SDK1: variants seen among roughly 807,000 people sequenced by gnomAD.
SDK1 encodes protein sidekick-1.
Under a neutral mutation model 245.5 loss-of-function variants are expected in SDK1, and 157 were observed. The observed-to-expected ratio is 0.64, with a 90% confidence interval of 0.56 to 0.73. The LOEUF is 0.73. Among genes scored for constraint, SDK1 ranks in the 30% least tolerant of loss-of-function variants. SDK1 has a pLI of 0.00. For missense variants in SDK1, 3,583 were observed against 3,002.3 expected (o/e 1.19, Z -4.52); for synonymous variants, 1,647 against 1,278.5 (o/e 1.29, Z -6.15).
chr7:3,878,873 A>G (rs1158533643), intron 5 of SDK1, among the ~76,000 whole-genome samples: 3 of 152,252 alleles, frequency 2.0e-5, no homozygotes, highest in Non-Finnish European at 4.4e-5. Flanking sequence ...CATACACAAA[A>G]GTATACAAAT....
chr7:4,145,458 C>G (rs185345237), intron 28 of SDK1, among the ~76,000 whole-genome samples: 4 of 152,094 alleles, frequency 2.6e-5, no homozygotes, highest in Admixed American at 6.6e-5. Flanking sequence ...GCCTCGTGCC[C>G]GCATCCTAAG....
At chr7:3,617,880 G>A (rs997165930) in intron 1 of SDK1, among the ~76,000 whole-genome samples, 5 of 152,248 alleles carry the variant, frequency 3.3e-5, no homozygotes, top group Admixed American at 1.3e-4. Context: ...CATTCAGACC[G>A]TAACTCTAGG....
In SDK1 at chr7:4,113,397, G is replaced by A. The variant is rs199880337; in HGVS notation, c.3543G>A (p.Thr1181=). Residue 1181 remains threonine, a synonymous_variant, in exon 24 of 45, where the codon ACG becomes ACA. Transcript: ENST00000404826. The part of the protein sequence containing the change: ...APPDVAPTSV[T]VRTASETSLR... ...CCGACGTGGCTCCAACCAGCGTCAC[G>A]GTCCGTACTGCCAGTGAGACCAGCC... is the stretch of plus-strand genomic sequence containing the variant. The A allele has an allele frequency of 1.1e-4, 170 of 1,613,890 alleles. 1 individual carries two copies. The highest frequency in any genetic ancestry group is 1.3e-4 in the Non-Finnish European group (157 of 1,180,034).
At chr7:3,915,525 C>G (rs576363796) in intron 5 of SDK1, among the ~76,000 whole-genome samples, 27 of 152,256 alleles carry the variant, frequency 1.8e-4, no homozygotes, top group African/African-American at 6.5e-4. Context: ...CTGTGTTTCC[C>G]ACCTCCATGT....
chr7:3,470,145 C>T (rs999388649), intron 1 of SDK1, among the ~76,000 whole-genome samples: 4 of 152,152 alleles, frequency 2.6e-5, no homozygotes, highest in African/African-American at 9.7e-5. Flanking sequence ...GAATTTTCAG[C>T]TGGTCTAGTT....
At chr7:3,438,421 A>G (rs937960247) in intron 1 of SDK1, among the ~76,000 whole-genome samples, 16 of 152,232 alleles carry the variant, frequency 1.1e-4, no homozygotes, top group African/African-American at 3.9e-4. Flanking sequence ...ACATTTACAT[A>G]TGAGAGAAGC....
intron 35 of SDK1, among the ~76,000 whole-genome samples, chr7:4,204,722 T>TCGG (rs1167274516): frequency 6.6e-5 from 10 of 152,142 alleles, no homozygotes; most frequent in African/African-American, 2.4e-4. Flanking sequence ...AGAGGAGTGC[T>TCGG]CGGCTGGCCT....
intron 5 of SDK1, among the ~76,000 whole-genome samples, chr7:3,828,043 C>G (rs1274963675): frequency 1.3e-5 from 2 of 152,110 alleles, no homozygotes; most frequent in African/African-American, 4.8e-5. Context: ...TTTGGGAGGC[C>G]AAGGTGGGCG....
intron 22 of SDK1, among the ~76,000 whole-genome samples, chr7:4,105,897 A>T (rs1317463743): frequency 6.6e-6 from 1 of 152,182 alleles, no homozygotes; most frequent in African/African-American, 2.4e-5. Context: ...GCCTCCAGGT[A>T]ATGACAAACC....
At chr7:4,061,593 G>A (rs1343355172) in intron 19 of SDK1, among the ~76,000 whole-genome samples, 2 of 151,942 alleles carry the variant, frequency 1.3e-5, no homozygotes, top group South Asian at 2.1e-4. Context: ...AGGGATCTAG[G>A]ACTAGAAATA....
intron 1 of SDK1, among the ~76,000 whole-genome samples, chr7:3,321,474 T>C (rs1318388960): frequency 2.0e-5 from 3 of 152,274 alleles, no homozygotes; most frequent in East Asian, 1.9e-4. Flanking sequence ...CTTCCTATTG[T>C]AGGAACTCAG....
At chr7:3,606,844 GAAAA>G (rs5881994) in intron 1 of SDK1, among the ~76,000 whole-genome samples, 1 of 148,296 alleles carries the variant, frequency 6.7e-6, no homozygotes, top group Non-Finnish European at 1.5e-5. Flanking sequence ...GTGTCTTCCT[GAAAA>G]AAAAAATCTG....
chr7:4,103,775 G>T (rs1370988694), intron 22 of SDK1, among the ~76,000 whole-genome samples: 6 of 152,240 alleles, frequency 3.9e-5, no homozygotes, highest in Admixed American at 6.5e-5. Flanking sequence ...TGACACATGT[G>T]GTGAGAGGAC....
intron 38 of SDK1, among the ~76,000 whole-genome samples, chr7:4,211,722 G>A (rs1191046930): frequency 6.6e-6 from 1 of 152,172 alleles, no homozygotes; most frequent in Non-Finnish European, 1.5e-5. Context: ...CCATTCTCCT[G>A]CCTCAGCCTC....
intron 4 of SDK1, among the ~76,000 whole-genome samples, chr7:3,687,593 T>C (rs1433229311): frequency 6.6e-6 from 1 of 152,120 alleles, no homozygotes; most frequent in Non-Finnish European, 1.5e-5. Flanking sequence ...CTCCAAGAAA[T>C]GGCGGTGATG....
chr7:3,493,956 G>A (rs1781944828), intron 1 of SDK1, among the ~76,000 whole-genome samples: 1 of 152,192 alleles, frequency 6.6e-6, no homozygotes, highest in Non-Finnish European at 1.5e-5. Context: ...GTTTTGTATA[G>A]CCAGAACAGG....
At chr7:3,971,271 T>G (rs902236451) in intron 11 of SDK1, among the ~76,000 whole-genome samples, 195 bp from the exon 12 acceptor site, 1 of 152,190 alleles carries the variant, frequency 6.6e-6, no homozygotes. Context: ...GTTGACAGAC[T>G]GCTGCAATGG....
At chr7:3,625,640 C>T (rs1410590193) in intron 2 of SDK1, among the ~76,000 whole-genome samples, 4 of 152,208 alleles carry the variant, frequency 2.6e-5, no homozygotes, top group Admixed American at 6.5e-5. Context: ...CAGAAGTGCC[C>T]ACTCTAATGG....
At chr7:3,911,649 C>T (rs1779168111) in intron 5 of SDK1, among the ~76,000 whole-genome samples, 1 of 152,210 alleles carries the variant, frequency 6.6e-6, no homozygotes, top group Non-Finnish European at 1.5e-5. Context: ...ATTCAAACCA[C>T]ATCACCTGCC....
Sources: gnomAD v4.1 joint callset for allele counts (sites outside exome capture counted in the v4.1 genomes callset) on GRCh38, gnomAD v4.1.1 for gene constraint, MANE v1.5 for transcripts, NCBI Gene and HGNC (gene_info 2026-07-23, HGNC 2026-07-21) for gene names.